ZNF496: variants seen among roughly 807,000 people sequenced by gnomAD.
The protein encoded by ZNF496 is zinc finger protein 496, also known as NSD1 (nuclear receptor binding SET-domain containing 1)-interacting zinc finger protein 1.
In ZNF496, 11 loss-of-function variants were observed where a neutral mutation model predicts 58.9. The ratio of observed to expected loss-of-function variants is 0.19; its 90% confidence interval spans 0.12 to 0.31. ZNF496 has a LOEUF of 0.31. Among genes scored for constraint, ZNF496 ranks in the 10% least tolerant of loss-of-function variants. The pLI is 1.00. For missense variants in ZNF496, 660 were observed against 783.0 expected (o/e 0.84, Z 1.88); for synonymous variants, 338 against 318.2 (o/e 1.06, Z -0.66).
chr1:247,329,135 A>T lies in ZNF496; in HGVS notation c.390+54T>A. The stretch of plus-strand genomic sequence containing the variant: ...CAGCCAGCACATGCATGGCCCAGCC[A>T]AAGTGTCTAAGTACCAGATCTCTAC... On this transcript the variant is annotated intron_variant, in intron 4 of 9. Transcript: ENST00000682384. This position sits in a 1 kb window ranked among gnomAD's most constrained non-coding sequence, Gnocchi z 5.5. 6.2e-7 allele frequency: 1 copy of T among 1,611,642 alleles called. No individual in the cohort carries two copies. The highest frequency in any genetic ancestry group is 8.5e-7 in the Non-Finnish European group (1 of 1,179,250).
chr1:247,322,634 G>C (rs1402031459), intron 6 of ZNF496: 2 of 1,110,656 alleles, frequency 1.8e-6, no homozygotes, highest in African/African-American at 1.6e-5. Flanking sequence ...CAGAGCACCC[G>C]AGTAAGCAAG....
chr1:247,307,593 G>A lies in ZNF496; in HGVS notation c.1006+882C>T, dbSNP rs116046679. The A allele has an allele frequency of 1.1e-3, 1,125 of 985,428 alleles. 2 individuals are homozygous for A. The highest frequency in any genetic ancestry group is 1.5e-3 in the African/African-American group (88 of 57,352). The allele number at this position is 985,428 out of a possible 1,614,324, so 61.0% of individuals were successfully genotyped here. A position where few individuals can be genotyped will look rare whatever the true frequency, so the allele number is the denominator to read the frequency against. On this transcript the variant is annotated intron_variant, in intron 9 of 9. Transcript: ENST00000682384. Reference sequence around the variant, plus strand: ...CCAGGGGTGGGCATCCATGCTTGTGGAGCAGGATCTCATCCTTTCAGATCT... The same window carrying A: ...CCAGGGGTGGGCATCCATGCTTGTGAAGCAGGATCTCATCCTTTCAGATCT...
intron 6 of ZNF496, among the ~76,000 whole-genome samples, chr1:247,317,310 C>G (rs758410733): frequency 1.1e-4 from 17 of 152,104 alleles, no homozygotes; most frequent in Non-Finnish European, 2.4e-4. Flanking sequence ...CCCATGGGCA[C>G]AGACCAAAAA....
intron 6 of ZNF496, among the ~76,000 whole-genome samples, chr1:247,316,794 A>G (rs1052686070): frequency 2.6e-5 from 4 of 152,196 alleles, no homozygotes; most frequent in Non-Finnish European, 4.4e-5. Context: ...TGACACGGCC[A>G]CTTAGCAGGA....
At chr1:247,325,268 A>C (rs1246175936) in intron 5 of ZNF496, among the ~76,000 whole-genome samples, 1 of 152,212 alleles carries the variant, frequency 6.6e-6, no homozygotes, top group Non-Finnish European at 1.5e-5. Flanking sequence ...CTGTGTCTGA[A>C]GGGGAAGCTC....
In ZNF496 at chr1:247,308,798, C is replaced by T. The variant is rs1167572524; in HGVS notation, c.893-210G>A. 1.9e-5 allele frequency: 10 copies of T among 534,226 alleles called. No individual in the cohort carries two copies. Among genetic ancestry groups the T allele is most frequent in the East Asian group, 9.9e-5 (3 of 30,324 alleles). The allele number at this position is 534,226 out of a possible 1,614,324, so 33.1% of individuals were successfully genotyped here. A position where few individuals can be genotyped will look rare whatever the true frequency, so the allele number is the denominator to read the frequency against. On this transcript the variant is annotated intron_variant, in intron 8 of 9. Transcript: ENST00000682384. The surrounding 1 kb of genome is among the most constrained non-coding windows in gnomAD (Gnocchi z 4.5). The stretch of plus-strand genomic sequence containing the variant: ...CCAACTCCACAAACATGAGCTCTGA[C>T]GCTAGACAGAATCGACGTAGATCCG...
At chr1:247,322,708 T>C (rs1259670675) in intron 6 of ZNF496, 2 of 1,289,374 alleles carry the variant, frequency 1.6e-6, no homozygotes, top group South Asian at 2.5e-5. Context: ...CACGTAGATC[T>C]GTGACAGGAC....
intron 9 of ZNF496, among the ~76,000 whole-genome samples, chr1:247,302,161 T>TG (rs1382611865): frequency 6.6e-6 from 1 of 151,976 alleles, no homozygotes; most frequent in Non-Finnish European, 1.5e-5. Context: ...ATCTAGAACT[T>TG]GGGGGGAGTG....
intron 6 of ZNF496, among the ~76,000 whole-genome samples, chr1:247,319,415 C>T (rs1181148216): frequency 1.3e-5 from 2 of 152,178 alleles, no homozygotes; most frequent in Non-Finnish European, 2.9e-5. Flanking sequence ...ATACACTCAA[C>T]ACCACACTAG....
chr1:247,323,601 A>G (rs904909050), intron 5 of ZNF496, among the ~76,000 whole-genome samples: 1 of 152,044 alleles, frequency 6.6e-6, no homozygotes, highest in African/African-American at 2.4e-5. Flanking sequence ...TATCCAAACT[A>G]TGGGAAAATA....
intron 5 of ZNF496, among the ~76,000 whole-genome samples, chr1:247,325,192 C>T (rs191398118): frequency 1.5e-4 from 23 of 152,254 alleles, no homozygotes; most frequent in African/African-American, 4.1e-4. Context: ...GAACAAAGGA[C>T]GGGGCCAGGA....
chr1:247,326,212 A>G (rs1660124433), intron 5 of ZNF496, among the ~76,000 whole-genome samples: 3 of 151,734 alleles, frequency 2.0e-5, no homozygotes, highest in South Asian at 4.2e-4. Context: ...GAATACATGG[A>G]CCCTTTCAAG....
chr1:247,329,595 G>T lies in ZNF496; in HGVS notation c.-17C>A. The T allele has an allele frequency of 6.5e-7, 1 of 1,531,230 alleles. No homozygotes were observed. 94.9% of individuals were successfully genotyped at this position (1,531,230 alleles called of 1,614,324 possible). On this transcript the variant is annotated 5_prime_UTR_variant, in exon 4 of 10. Coordinates refer to ENST00000682384, the MANE Select transcript of ZNF496 (RefSeq NM_032752.3). This position sits in a 1 kb window ranked among gnomAD's most constrained non-coding sequence, Gnocchi z 5.5. ...TGTGGGCATGATGGGATTTGATGGGGGTCAGCAGCAGAAGACGACCCTATT... is the reference window on the plus strand; with the variant it reads ...TGTGGGCATGATGGGATTTGATGGGTGTCAGCAGCAGAAGACGACCCTATT...
Position 247,309,360 on chromosome 1 carries a change from C to A in ZNF496, c.892+339G>T, listed in dbSNP as rs1659519664. 2 of 1,116,920 alleles carry A rather than the reference C, an allele frequency of 1.8e-6. No individual in the cohort carries two copies. Among genetic ancestry groups the A allele is most frequent in the Non-Finnish European group, 2.2e-6 (2 of 910,788 alleles). The allele number at this position is 1,116,920 out of a possible 1,614,324, so 69.2% of individuals were successfully genotyped here. On this transcript the variant is annotated intron_variant, in intron 8 of 9. Transcript: ENST00000682384. The surrounding 1 kb of genome is among the most constrained non-coding windows in gnomAD (Gnocchi z 4.3). ...GCCCAGTTAGGAGACACTCCCTCTG[C>A]AACTAGGCTTGTCATGAGTATCTGA...
In ZNF496 at chr1:247,309,336, C is replaced by T; in HGVS notation, c.892+363G>A. 1 of 1,053,826 alleles carries T rather than the reference C, an allele frequency of 9.5e-7. No homozygotes were observed. Among genetic ancestry groups the T allele is most frequent in the African/African-American group, 1.7e-5 (1 of 59,368 alleles). 65.3% of individuals were successfully genotyped at this position (1,053,826 alleles called of 1,614,324 possible). A position where few individuals can be genotyped will look rare whatever the true frequency, so the allele number is the denominator to read the frequency against. On this transcript the variant is annotated intron_variant, in intron 8 of 9. Coordinates refer to ENST00000682384, the MANE Select transcript of ZNF496 (RefSeq NM_032752.3). The surrounding 1 kb of genome is among the most constrained non-coding windows in gnomAD (Gnocchi z 4.3). ...GCACCTCAAAGGGCTGCGCTCGGTGCCCAGTTAGGAGACACTCCCTCTGCA... is the reference window on the plus strand; with the variant it reads ...GCACCTCAAAGGGCTGCGCTCGGTGTCCAGTTAGGAGACACTCCCTCTGCA...
At chr1:247,305,998 T>C (rs896863910) in intron 9 of ZNF496, among the ~76,000 whole-genome samples, 1 of 152,204 alleles carries the variant, frequency 6.6e-6, no homozygotes, top group African/African-American at 2.4e-5. Context: ...AAACTATGTA[T>C]GAATACAGCA....
chr1:247,301,517 AGCCATTTTCCCT>A (rs1454880144), intron 9 of ZNF496, among the ~76,000 whole-genome samples: 2 of 152,024 alleles, frequency 1.3e-5, no homozygotes, highest in Non-Finnish European at 2.9e-5. Flanking sequence ...CCCTCTTCCC[AGCCATTTTCCCT>A]TATCTCCACC....
At position 247,328,563 on chromosome 1, in the gene ZNF496, G is replaced by A. The variant is rs868657984; in HGVS notation, c.574+120C>T. The stretch of plus-strand genomic sequence containing the variant: ...CCCTGACAACAGCTCACAGCACCTC[G>A]GGGACACGAGAACACTGCTGATGTA... On this transcript the variant is annotated intron_variant, in intron 5 of 9. Transcript: ENST00000682384. 5.2e-5 allele frequency: 56 copies of A among 1,071,556 alleles called. No individual in the cohort carries two copies. In the Middle Eastern group the frequency reaches 2.3e-3, roughly 45 times the overall value. The allele number at this position is 1,071,556 out of a possible 1,614,324, so 66.4% of individuals were successfully genotyped here. A position where few individuals can be genotyped will look rare whatever the true frequency, so the allele number is the denominator to read the frequency against.
At chr1:247,326,083 C>CACATATATACACACACAT (rs1558158088) in intron 5 of ZNF496, among the ~76,000 whole-genome samples, 7 of 148,444 alleles carry the variant, frequency 4.7e-5, no homozygotes, top group South Asian at 2.2e-4. Flanking sequence ...CACACACACA[C>CACATATATACACACACAT]ATATATACAC....
Sources: gnomAD v4.1 joint callset for allele counts (sites outside exome capture counted in the v4.1 genomes callset) on GRCh38, gnomAD v4.1.1 for gene constraint, Gnocchi (gnomAD v3.1) non-coding constraint, MANE v1.5 for transcripts, NCBI Gene and HGNC (gene_info 2026-07-23, HGNC 2026-07-21) for gene names.